Variants in GRIP1 observed in about 807,000 individuals in gnomAD.
GRIP1 encodes glutamate receptor interacting protein 1.
GRIP1 carries 45 observed loss-of-function variants against 129.9 expected under a neutral mutation model. The observed-to-expected ratio is 0.35, with a 90% CI of 0.27 to 0.44. The LOEUF is 0.44. Ranked by LOEUF, GRIP1 falls within the 20% of genes least tolerant of loss-of-function variation. The probability of loss-of-function intolerance (pLI) is 1.00; values close to 1 mark genes in which losing one functional copy is unlikely to be tolerated. For missense variants in GRIP1, 1,196 were observed against 1,396.8 expected (o/e 0.86, Z 2.29); for synonymous variants, 530 against 520.8 (o/e 1.02, Z -0.24).
intron 1 of GRIP1, among the ~76,000 whole-genome samples, chr12:66,902,266 T>TC (rs1297447471): frequency 6.6e-6 from 1 of 152,224 alleles, no homozygotes; most frequent in East Asian, 1.9e-4. Context: ...GGATTTACAT[T>TC]CACATATTTA....
chr12:66,486,790 CA>C (rs1225640901), intron 7 of GRIP1, among the ~76,000 whole-genome samples: 2 of 30,516 alleles, frequency 6.6e-5, no homozygotes, highest in East Asian at 1.9e-3. Flanking sequence ...AAGCAGGTCT[CA>C]ATTTTTTTTT....
At chr12:66,839,805 T>TA (rs1467503616) in intron 1 of GRIP1, among the ~76,000 whole-genome samples, 1 of 152,220 alleles carries the variant, frequency 6.6e-6, no homozygotes, top group African/African-American at 2.4e-5. Flanking sequence ...TAATGGCACT[T>TA]ACTCTGTGCA....
chr12:66,679,108 C>T (rs2034475323), upstream of GRIP1: 3 of 1,465,314 alleles, frequency 2.0e-6, no homozygotes, highest in East Asian at 2.5e-5. Flanking sequence ...ACTACTACCA[C>T]CCCTGCCTGC....
chr12:66,702,886 C>A (rs750824441), intron 1 of GRIP1, among the ~76,000 whole-genome samples: 15 of 152,124 alleles, frequency 9.9e-5, no homozygotes, highest in Admixed American at 3.9e-4. Flanking sequence ...TTAGACAATA[C>A]TTGTTAATTT....
chr12:66,371,708 C>T lies in GRIP1; in HGVS notation c.2998G>A (p.Val1000Met), dbSNP rs748917600. The stretch of plus-strand genomic sequence containing the variant: ...AGCTTACTGACCTTGTGCAGCTCCA[C>T]AGGAGTTGGAGACATGATCTCCTTT... ...EIKEIMSPTPVELHKVTLYKD... is the reference protein window; with the variant it reads ...EIKEIMSPTPMELHKVTLYKD... The change falls in exon 23 of 25, where the codon GTG (valine) becomes ATG (methionine). Residue 1000 changes from valine to methionine, a missense_variant. By Grantham distance (21) the Val-to-Met change is conservative. Coordinates refer to ENST00000359742, the MANE Select transcript of GRIP1 (RefSeq NM_001366722.1). 3 of 1,605,444 alleles carry T rather than the reference C, an allele frequency of 1.9e-6. No individual in the cohort carries two copies. Among genetic ancestry groups the T allele is most frequent in the Non-Finnish European group, 2.6e-6 (3 of 1,172,050 alleles).
intron 1 of GRIP1, among the ~76,000 whole-genome samples, chr12:66,643,151 G>A (rs564935837): frequency 1.3e-5 from 2 of 152,288 alleles, no homozygotes; most frequent in Non-Finnish European, 2.9e-5. Context: ...TCTCTACTTT[G>A]GTAGGAGTGT....
At chr12:66,617,825 CTT>C (rs767434164) in intron 1 of GRIP1, among the ~76,000 whole-genome samples, 2 of 150,666 alleles carry the variant, frequency 1.3e-5, no homozygotes, top group African/African-American at 4.9e-5. Flanking sequence ...GAAATATAAT[CTT>C]TTTCACTTCT....
intron 1 of GRIP1, among the ~76,000 whole-genome samples, chr12:66,994,211 C>T (rs944597595): frequency 6.6e-6 from 1 of 151,176 alleles, no homozygotes; most frequent in African/African-American, 2.4e-5. Flanking sequence ...AAAAAAAAAG[C>T]TATAGACAAT....
intron 1 of GRIP1, among the ~76,000 whole-genome samples, chr12:66,631,510 G>A (rs2030775167): frequency 6.6e-6 from 1 of 152,126 alleles, no homozygotes; most frequent in Non-Finnish European, 1.5e-5. Context: ...CTGTTTCATT[G>A]AGTATAATAG....
chr12:66,962,313 A>C (rs2041932783), intron 1 of GRIP1, among the ~76,000 whole-genome samples: 1 of 152,194 alleles, frequency 6.6e-6, no homozygotes, highest in Admixed American at 6.6e-5. Context: ...TTATGCAAAG[A>C]AACTTCCACA....
intron 1 of GRIP1, among the ~76,000 whole-genome samples, chr12:66,791,663 T>C (rs2038541692): frequency 6.6e-6 from 1 of 152,138 alleles, no homozygotes; most frequent in Non-Finnish European, 1.5e-5. Flanking sequence ...TCAACAATAC[T>C]CTTTTTTGAT....
intron 1 of GRIP1, among the ~76,000 whole-genome samples, chr12:67,066,909 T>TATATATATATATATATACAC (rs1555170047): frequency 2.8e-5 from 4 of 142,064 alleles, no homozygotes; most frequent in African/African-American, 1.1e-4. Flanking sequence ...TATATATATA[T>TATATATATATATATATACAC]ATACACACAC....
Position 66,445,374 on chromosome 12 carries a change from G to C in GRIP1, c.1489C>G (p.Leu497Val). The change falls in exon 12 of 25, where the codon CTC becomes GTC. Residue 497 changes from leucine (L) to valine (V), a missense_variant. By Grantham distance (32) the Leu-to-Val change is conservative. This residue lies in a region of GRIP1 where 508 missense variants were observed against 587.0 expected (regional missense o/e 0.87). Transcript: ENST00000359742. ...TAGGAAATCAGAGGTGGAGAAGAGA[G>C]AGTTTCTGTGGCAAACACACTGCCC... ...LQGSVFATET[L>V]SSPPLISYIE... is the part of the protein sequence containing the mutation. 8 of 1,614,232 alleles carry C rather than the reference G, an allele frequency of 5.0e-6. No homozygotes were observed. The highest frequency in any genetic ancestry group is 6.8e-6 in the Non-Finnish European group (8 of 1,180,014).
intron 23 of GRIP1, among the ~76,000 whole-genome samples, chr12:66,358,280 G>A (rs2054588195): frequency 1.3e-5 from 2 of 152,050 alleles, no homozygotes; most frequent in Non-Finnish European, 2.9e-5. Flanking sequence ...TCTTTCCTGT[G>A]GACTCCTGTG....
At chr12:66,782,990 G>C (rs942579207) in intron 1 of GRIP1, among the ~76,000 whole-genome samples, 2 of 152,020 alleles carry the variant, frequency 1.3e-5, no homozygotes, top group South Asian at 4.1e-4. Context: ...CTGCTTCTTT[G>C]AATTAATAGT....
At chr12:66,597,538 A>G (rs2064102360) in intron 1 of GRIP1, among the ~76,000 whole-genome samples, 1 of 152,148 alleles carries the variant, frequency 6.6e-6, no homozygotes, top group Non-Finnish European at 1.5e-5. Context: ...TAGGGAAGGA[A>G]CGATGGTTTG....
intron 23 of GRIP1, among the ~76,000 whole-genome samples, chr12:66,358,745 C>A (rs767814300): frequency 6.6e-6 from 1 of 152,208 alleles, no homozygotes; most frequent in African/African-American, 2.4e-5. Context: ...CATGAGCCAC[C>A]ACACCTGGCC....
At chr12:66,905,922 AG>A (rs2137290401) in intron 1 of GRIP1, among the ~76,000 whole-genome samples, 1 of 152,334 alleles carries the variant, frequency 6.6e-6, no homozygotes, top group African/African-American at 2.4e-5. Context: ...GACATTTTAA[AG>A]GAACATTTTC....
intron 1 of GRIP1, among the ~76,000 whole-genome samples, chr12:66,823,170 G>A (rs910602059): frequency 1.5e-4 from 23 of 152,042 alleles, no homozygotes; most frequent in African/African-American, 2.2e-4. Flanking sequence ...CAATATGATA[G>A]CTTATGTGTT....
Sources: gnomAD v4.1 joint callset for allele counts (sites outside exome capture counted in the v4.1 genomes callset) on GRCh38, gnomAD v4.1.1 for gene constraint, gnomAD v4.1.1 regional missense constraint, MANE v1.5 for transcripts, NCBI Gene and HGNC (gene_info 2026-07-23, HGNC 2026-07-21) for gene names.